GABRG3: variants seen among roughly 807,000 people sequenced by gnomAD.
The protein encoded by GABRG3 is gamma-aminobutyric acid type A receptor subunit gamma3.
GABRG3 carries 25 observed loss-of-function variants against 48.8 expected under a neutral mutation model. The ratio of observed to expected loss-of-function variants is 0.51; its 90% CI spans 0.37 to 0.72. GABRG3 has a LOEUF of 0.72. Ranked by LOEUF, GABRG3 falls within the 30% of genes least tolerant of loss-of-function variation. The pLI, the probability that GABRG3 is intolerant of heterozygous loss-of-function variation, is 0.00. For synonymous variants in GABRG3, 227 were observed against 217.6 expected, an observed-to-expected ratio of 1.04 and a Z score of -0.38; for missense variants, 394 against 577.9, an observed-to-expected ratio of 0.68 and a Z score of 3.26.
At chr15:27,094,867 A>G (rs1031405107) in intron 3 of GABRG3, among the ~76,000 whole-genome samples, 31 of 151,790 alleles carry the variant, frequency 2.0e-4, no homozygotes, top group African/African-American at 5.8e-4. Context: ...AAATTTTAGT[A>G]TATAGTTTTC....
At chr15:27,388,157 A>AGGAAGGAAAGGGAGGAAGGAGGGAG (rs1407439528) in intron 5 of GABRG3, among the ~76,000 whole-genome samples, 1 of 49,570 alleles carries the variant, frequency 2.0e-5, no homozygotes, top group Non-Finnish European at 3.4e-5. Context: ...GAAGGAAGGA[A>AGGAAGGAAAGGGAGGAAGGAGGGAG]GAAAGGAAGG....
At chr15:27,351,155 G>A (rs566265903) in intron 5 of GABRG3, among the ~76,000 whole-genome samples, 5 of 146,018 alleles carry the variant, frequency 3.4e-5, no homozygotes, top group South Asian at 2.3e-4. Context: ...TGTGTGTATG[G>A]TGCATGTGCG....
chr15:27,252,238 C>T (rs894587995), intron 3 of GABRG3, among the ~76,000 whole-genome samples: 5 of 152,152 alleles, frequency 3.3e-5, no homozygotes, highest in Admixed American at 1.3e-4. Flanking sequence ...TCCTTCTCAC[C>T]GATGTGTCCC....
chr15:27,193,639 A>C (rs917975416), intron 3 of GABRG3, among the ~76,000 whole-genome samples: 5 of 152,186 alleles, frequency 3.3e-5, no homozygotes, highest in Non-Finnish European at 7.3e-5. Context: ...TTCTTTGACT[A>C]GGAAAGGGAA....
chr15:27,224,399 C>T (rs1413460847), intron 3 of GABRG3, among the ~76,000 whole-genome samples: 1 of 152,134 alleles, frequency 6.6e-6, no homozygotes, highest in East Asian at 1.9e-4. Context: ...CTTTGAGAAC[C>T]TAAATAATGT....
chr15:27,420,271 G>T (rs1245443052), intron 5 of GABRG3, among the ~76,000 whole-genome samples: 2 of 152,152 alleles, frequency 1.3e-5, no homozygotes, highest in African/African-American at 4.8e-5. Context: ...TAAGAAAAAT[G>T]CAGGAAAAAG....
chr15:27,389,804 TA>T (rs1220122076), intron 5 of GABRG3, among the ~76,000 whole-genome samples: 1 of 152,244 alleles, frequency 6.6e-6, no homozygotes, highest in Non-Finnish European at 1.5e-5. Flanking sequence ...TTAACAAATG[TA>T]AAAAAGTAAA....
chr15:27,023,418 C>T (rs1036018604), intron 2 of GABRG3, among the ~76,000 whole-genome samples: 7 of 151,732 alleles, frequency 4.6e-5, no homozygotes, highest in African/African-American at 1.7e-4. Flanking sequence ...ATCTCCAGAA[C>T]TCTTTTCATC....
chr15:27,233,205 T>C (rs1889853568), intron 3 of GABRG3, among the ~76,000 whole-genome samples: 1 of 152,220 alleles, frequency 6.6e-6, no homozygotes, highest in Admixed American at 6.5e-5. Flanking sequence ...GTATTTTGCT[T>C]TGTGCCCACA....
At chr15:27,245,784 A>G (rs1890251392) in intron 3 of GABRG3, among the ~76,000 whole-genome samples, 1 of 152,174 alleles carries the variant, frequency 6.6e-6, no homozygotes, top group Non-Finnish European at 1.5e-5. Context: ...GAGGCAGGAG[A>G]ATCGCTTGAA....
intron 2 of GABRG3, among the ~76,000 whole-genome samples, chr15:27,019,114 G>C (rs1245526519): frequency 7.9e-6 from 1 of 126,864 alleles, no homozygotes. Flanking sequence ...TGTCACCCCG[G>C]CTGGAGTGCT....
In GABRG3 at chr15:27,342,701, A is replaced by G. The variant is rs141122973; in HGVS notation, c.574+13813A>G. 3.2e-3 allele frequency among the ~76,000 whole-genome samples: 487 copies of G among 152,336 alleles called. 8 individuals are homozygous for G. Among genetic ancestry groups the G allele is most frequent in the African/African-American group, 0.011 (465 of 41,590 alleles). ...ATTCGAAAACAGCTTATTTAATTGCAGTAGGATTTCTTGGAGCTCCTTTCC... is the reference window on the plus strand; with the variant it reads ...ATTCGAAAACAGCTTATTTAATTGCGGTAGGATTTCTTGGAGCTCCTTTCC... On this transcript the variant is annotated intron_variant, in intron 5 of 9. Coordinates refer to ENST00000615808, the MANE Select transcript of GABRG3 (RefSeq NM_033223.5).
rs753122215 is a variant in GABRG3, at chr15:26,975,324, G to A, written c.54-1678G>A. Among the ~76,000 whole-genome samples, 20 of 152,178 alleles carry A rather than the reference G, an allele frequency of 1.3e-4. No homozygotes were observed. Among genetic ancestry groups the A allele is most frequent in the Non-Finnish European group, 2.8e-4 (19 of 68,050 alleles). Reference sequence around the variant, plus strand: ...TTCCTATCGATCGTGAATATCCAATGTGCATAAAAATCAACAGCAATTTAT... The same window carrying A: ...TTCCTATCGATCGTGAATATCCAATATGCATAAAAATCAACAGCAATTTAT... On this transcript the variant is annotated intron_variant, in intron 1 of 9. Coordinates refer to ENST00000615808, the MANE Select transcript of GABRG3 (RefSeq NM_033223.5). This position sits in a 1 kb window ranked among gnomAD's most constrained non-coding sequence, Gnocchi z 4.6.
chr15:27,118,295 C>T (rs1897676085), intron 3 of GABRG3, among the ~76,000 whole-genome samples: 1 of 152,092 alleles, frequency 6.6e-6, no homozygotes, highest in Admixed American at 6.5e-5. Flanking sequence ...CTTATGTGTA[C>T]GTATTATATG....
chr15:27,229,046 C>T (rs903847893), intron 3 of GABRG3, among the ~76,000 whole-genome samples: 20 of 152,022 alleles, frequency 1.3e-4, no homozygotes, highest in African/African-American at 3.4e-4. Flanking sequence ...TTCCTTTTGC[C>T]GTGCAGAAGC....
intron 3 of GABRG3, among the ~76,000 whole-genome samples, chr15:27,224,735 T>C (rs1889558293): frequency 1.3e-5 from 2 of 152,242 alleles, no homozygotes; most frequent in Admixed American, 6.5e-5. Flanking sequence ...TTTGATTATT[T>C]TCACATCCCT....
At chr15:27,260,857 C>T (rs771599285) in intron 3 of GABRG3, among the ~76,000 whole-genome samples, 37 of 152,062 alleles carry the variant, frequency 2.4e-4, no homozygotes, top group Non-Finnish European at 4.6e-4. Context: ...CTGATGTGGT[C>T]GGGAGCAGGA....
intron 3 of GABRG3, among the ~76,000 whole-genome samples, chr15:27,204,349 G>T (rs111915186): frequency 6.6e-6 from 1 of 152,254 alleles, no homozygotes; most frequent in East Asian, 1.9e-4. Flanking sequence ...TTGAAGATCA[G>T]ATGGTTGTAG....
intron 6 of GABRG3, among the ~76,000 whole-genome samples, chr15:27,501,761 TGG>T: frequency 6.6e-6 from 1 of 152,298 alleles, no homozygotes; most frequent in South Asian, 2.1e-4. Context: ...CTGTCTCGTT[TGG>T]TTGTGTGCAA....
Sources: gnomAD v4.1 joint callset for allele counts (sites outside exome capture counted in the v4.1 genomes callset) on GRCh38, gnomAD v4.1.1 for gene constraint, Gnocchi (gnomAD v3.1) non-coding constraint, MANE v1.5 for transcripts, NCBI Gene and HGNC (gene_info 2026-07-23, HGNC 2026-07-21) for gene names.